MINDY2: variants seen among roughly 807,000 people sequenced by gnomAD.
MINDY2 encodes the protein MINDY lysine 48 deubiquitinase 2.
A neutral mutation model predicts 68.2 loss-of-function variants in MINDY2; 52 were observed. That is an observed-to-expected ratio of 0.76 (90% confidence interval 0.61 to 0.96). The LOEUF is 0.96. Ranked by LOEUF, MINDY2 falls within the 40% of genes least tolerant of loss-of-function variation. The pLI is 0.00. For synonymous variants in MINDY2, 372 were observed against 303.0 expected, an observed-to-expected ratio of 1.23 and a Z score of -2.36; for missense variants, 881 against 773.4, an observed-to-expected ratio of 1.14 and a Z score of -1.65.
chr15:58,787,275 G>A (rs1308539018), intron 1 of MINDY2, among the ~76,000 whole-genome samples: 3 of 149,560 alleles, frequency 2.0e-5, no homozygotes, highest in Admixed American at 2.0e-4. Flanking sequence ...ATTACAGGCA[G>A]GAGCCACTGT....
At position 58,838,833 on chromosome 15, in the gene MINDY2, G is replaced by T. The variant is rs2032133913; in HGVS notation, c.1368+6917G>T. ...TGACATCAAGTGATCTGCCCACCTT[G>T]ACCTCCCAAAGAACTGAGATTACAG... On this transcript the variant is annotated intron_variant, in intron 6 of 8. Transcript: ENST00000559228. Among the ~76,000 whole-genome samples, 3 of 151,740 alleles carry T rather than the reference G, an allele frequency of 2.0e-5. No homozygotes were observed. In the South Asian group the frequency reaches 6.2e-4, roughly 31 times the overall value.
Position 58,796,071 on chromosome 15 carries a change from A to C in MINDY2, c.899-6242A>C, listed in dbSNP as rs1168551464. The C allele has an allele frequency of 6.6e-6, 3 of 455,250 alleles. No individual in the cohort carries two copies. The Admixed American group carries it at 7.1e-5, about 11-fold the overall frequency. The allele number at this position is 455,250 out of a possible 1,614,324, so 28.2% of individuals were successfully genotyped here. On this transcript the variant is annotated intron_variant, in intron 2 of 8. Coordinates refer to ENST00000559228, the MANE Select transcript of MINDY2 (RefSeq NM_001040450.3). ...CACTGCAGTGATGAGATGGAAATGG[A>C]GTGGTGAGTTGAAGAGTATCTGGGA... is the stretch of plus-strand genomic sequence containing the variant.
intron 4 of MINDY2, chr15:58,815,159 A>T (rs1266470990): frequency 6.6e-6 from 1 of 152,098 alleles, no homozygotes; most frequent in African/African-American, 2.4e-5. Context: ...ATTCATATAC[A>T]TGTAGATAGC....
chr15:58,806,633 A>C (rs1183752102), intron 3 of MINDY2, among the ~76,000 whole-genome samples: 1 of 152,178 alleles, frequency 6.6e-6, no homozygotes, highest in African/African-American at 2.4e-5. Flanking sequence ...AGGTATAAGC[A>C]TGAGCCCAGA....
intron 1 of MINDY2, among the ~76,000 whole-genome samples, chr15:58,776,770 C>G (rs1185854259): frequency 6.6e-6 from 1 of 152,030 alleles, no homozygotes. Flanking sequence ...GCCTGTCGTC[C>G]CAGCATTGTG....
intron 2 of MINDY2, among the ~76,000 whole-genome samples, chr15:58,799,223 C>G (rs1332972945): frequency 6.6e-6 from 1 of 152,150 alleles, no homozygotes; most frequent in Admixed American, 6.5e-5. Context: ...TTTAGATGTT[C>G]TGTTGAGATT....
chr15:58,788,428 T>A (rs149125338), intron 2 of MINDY2, among the ~76,000 whole-genome samples: 2 of 152,218 alleles, frequency 1.3e-5, no homozygotes, highest in African/African-American at 2.4e-5. Context: ...ATGTAAAATA[T>A]TTACATTAGT....
intron 8 of MINDY2, among the ~76,000 whole-genome samples, chr15:58,852,922 GTTTTTTTTTTT>G (rs746154698): frequency 4.1e-5 from 2 of 48,966 alleles, no homozygotes; most frequent in South Asian, 6.8e-4. Context: ...TGCTGTTCCT[GTTTTTTTTTTT>G]TTTTTTTTTT....
At chr15:58,778,514 A>G (rs1268359467) in intron 1 of MINDY2, among the ~76,000 whole-genome samples, 1 of 151,782 alleles carries the variant, frequency 6.6e-6, no homozygotes, top group Non-Finnish European at 1.5e-5. Flanking sequence ...AAATAAAAAA[A>G]AGCTTAAAAA....
intron 2 of MINDY2, among the ~76,000 whole-genome samples, chr15:58,794,195 C>T (rs547962830): frequency 3.3e-5 from 5 of 151,588 alleles, no homozygotes; most frequent in Admixed American, 2.0e-4. Context: ...ATTTAAGCTG[C>T]GTAAAGAGGA....
At chr15:58,816,320 A>C (rs1228191364) in intron 4 of MINDY2, among the ~76,000 whole-genome samples, 1 of 152,238 alleles carries the variant, frequency 6.6e-6, no homozygotes, top group African/African-American at 2.4e-5. Context: ...GGATTCTGGC[A>C]GATCAATGCC....
intron 2 of MINDY2, among the ~76,000 whole-genome samples, chr15:58,795,456 A>G (rs1902218782): frequency 6.6e-6 from 1 of 151,988 alleles, no homozygotes; most frequent in South Asian, 2.1e-4. Context: ...CCCAGGCTGG[A>G]GTGCAGTGGC....
Position 58,791,215 on chromosome 15 carries a change from TTATA to T in MINDY2, c.898+3290_898+3293del, listed in dbSNP as rs57998049. ...AAAGGGAGCCATCAGGAAAGCAATT[TTATA>T]TATATATATATATATATATATATAT... On this transcript the variant is annotated intron_variant, in intron 2 of 8. Transcript: ENST00000559228. Among the ~76,000 whole-genome samples, 272 of 79,554 alleles carry T rather than the reference TTATA, an allele frequency of 3.4e-3. 3 individuals carry two copies. Among genetic ancestry groups the T allele is most frequent in the Non-Finnish European group, 6.1e-3 (193 of 31,520 alleles). The allele number at this position is 79,554 out of a possible 152,430, so 52.2% of individuals were successfully genotyped here.
intron 1 of MINDY2, among the ~76,000 whole-genome samples, chr15:58,773,772 C>T (rs1426255777): frequency 6.6e-6 from 1 of 151,384 alleles, no homozygotes; most frequent in Non-Finnish European, 1.5e-5. Flanking sequence ...TTTAGAATAA[C>T]AGGGAAATGG....
In MINDY2 at chr15:58,798,665, A is replaced by G. The variant is rs144303943; in HGVS notation, c.899-3648A>G. ...GAGATGGGGTTTCATCATCTTGGCC[A>G]GGCTGGATTCAAACTCCTGACTTCA... On this transcript the variant is annotated intron_variant, in intron 2 of 8. Coordinates refer to ENST00000559228, the MANE Select transcript of MINDY2 (RefSeq NM_001040450.3). 2.3e-3 allele frequency among the ~76,000 whole-genome samples: 352 copies of G among 152,164 alleles called. 3 individuals carry two copies. Among genetic ancestry groups the G allele is most frequent in the East Asian group, 0.014 (71 of 5,166 alleles).
intron 6 of MINDY2, among the ~76,000 whole-genome samples, chr15:58,832,653 G>C (rs567163325): frequency 2.0e-5 from 3 of 151,272 alleles, no homozygotes; most frequent in South Asian, 2.1e-4. Context: ...TCAGCCTCCC[G>C]AGTAGCTGGG....
intron 3 of MINDY2, among the ~76,000 whole-genome samples, chr15:58,807,714 A>C (rs1394334676): frequency 1.3e-5 from 2 of 152,148 alleles, no homozygotes; most frequent in African/African-American, 2.4e-5. Flanking sequence ...GAGAAAACTG[A>C]TGTGGACAAA....
At chr15:58,853,280 T>G (rs1193170078) in intron 8 of MINDY2, among the ~76,000 whole-genome samples, 8 of 151,872 alleles carry the variant, frequency 5.3e-5, no homozygotes, top group Non-Finnish European at 7.4e-5. Context: ...TTCAGATACA[T>G]AAGAAATTCT....
chr15:58,828,483 C>T (rs1441238343), intron 5 of MINDY2, among the ~76,000 whole-genome samples: 1 of 151,902 alleles, frequency 6.6e-6, no homozygotes, highest in Non-Finnish European at 1.5e-5. Context: ...TGTAACTTCA[C>T]CATCTTTAAG....
Sources: allele counts gnomAD v4.1 joint callset (sites outside exome capture counted in the v4.1 genomes callset), GRCh38; gene constraint gnomAD v4.1.1; transcripts MANE v1.5; gene names NCBI Gene and HGNC (gene_info 2026-07-23, HGNC 2026-07-21).